LRRC20: variants seen among roughly 807,000 people sequenced by gnomAD.
The protein encoded by LRRC20 is leucine-rich repeat-containing protein 20.
Under a neutral mutation model 14.4 loss-of-function variants are expected in LRRC20, and 11 were observed. That is an observed-to-expected ratio of 0.77 (90% CI 0.48 to 1.27). LRRC20 has a LOEUF of 1.27. Among genes scored for constraint, LRRC20 ranks in the 50% most tolerant of loss-of-function variants. LRRC20 has a pLI of 0.00. For synonymous variants in LRRC20, 121 were observed against 107.3 expected (o/e 1.13, Z -0.79); for missense variants, 219 against 251.2 (o/e 0.87, Z 0.87).
chr10:70,374,348 A>C (rs7085181), intron 2 of LRRC20, among the ~76,000 whole-genome samples: 144,949 of 147,682 alleles, frequency 0.98, 71,203 homozygotes, highest in Non-Finnish European at 1. Flanking sequence ...TCCCCTGTGA[A>C]GCCTTTTTTT....
Position 70,300,129 on chromosome 10 carries a change from G to A in LRRC20, c.*1225C>T, listed in dbSNP as rs1264237453. ...CAGATCAGGTGGGGTCTGGGGCACT[G>A]AGTTGGCTTGCTCCACAGATGAGGA... On this transcript the variant is annotated 3_prime_UTR_variant, in exon 5 of 5. Coordinates refer to ENST00000446961, the MANE Select transcript of LRRC20 (RefSeq NM_001278212.2). The A allele has an allele frequency of 6.5e-6, 1 of 153,592 alleles. No individual in the cohort carries two copies. Among genetic ancestry groups the A allele is most frequent in the African/African-American group, 2.4e-5 (1 of 41,460 alleles). 9.5% of individuals were successfully genotyped at this position (153,592 alleles called of 1,614,324 possible).
intron 4 of LRRC20, among the ~76,000 whole-genome samples, chr10:70,310,076 A>G (rs1841595742): frequency 6.6e-6 from 1 of 152,252 alleles, no homozygotes; most frequent in South Asian, 2.1e-4. Context: ...TTTAACCGCA[A>G]AAGTCATTTG....
chr10:70,329,578 T>C (rs1482151124), intron 3 of LRRC20, among the ~76,000 whole-genome samples: 4 of 151,266 alleles, frequency 2.6e-5, no homozygotes, highest in African/African-American at 4.9e-5. Flanking sequence ...TTTTTTTTTT[T>C]CGAGATGGAG....
At chr10:70,359,556 A>G (rs1843646255) in intron 2 of LRRC20, among the ~76,000 whole-genome samples, 1 of 152,174 alleles carries the variant, frequency 6.6e-6, no homozygotes, top group Non-Finnish European at 1.5e-5. Flanking sequence ...TATACTCTCC[A>G]TGCTAGTTTG....
At chr10:70,306,143 C>T (rs1289082951) in intron 4 of LRRC20, among the ~76,000 whole-genome samples, 1 of 152,076 alleles carries the variant, frequency 6.6e-6, no homozygotes, top group Non-Finnish European at 1.5e-5. Context: ...ACCCCACACA[C>T]ACACACGCTT....
intron 2 of LRRC20, among the ~76,000 whole-genome samples, chr10:70,350,026 C>T (rs1226386099): frequency 1.3e-5 from 2 of 152,230 alleles, no homozygotes; most frequent in African/African-American, 4.8e-5. Context: ...CCCTCTGGGA[C>T]TCCCTCCTTG....
rs370694566 is a variant in LRRC20, at chr10:70,368,135, C to G, written c.82+8317G>C. On this transcript the variant is annotated intron_variant, in intron 2 of 4. Transcript: ENST00000446961. ...AGTAGCTGAGACTACAGGCATGCAT[C>G]ACCATGCCTGGCTAATTTTTGCTTT... Among the ~76,000 whole-genome samples, 32 of 147,124 alleles carry G rather than the reference C, an allele frequency of 2.2e-4. No homozygotes were observed. In the South Asian group the frequency reaches 7.0e-3, roughly 32 times the overall value.
chr10:70,304,172 T>C (rs10762362), intron 4 of LRRC20, among the ~76,000 whole-genome samples: 95,994 of 151,598 alleles, frequency 0.63, 31,546 homozygotes, highest in Non-Finnish European at 0.73. Flanking sequence ...GCTGAGGCTC[T>C]GGCTGCATCC....
intron 2 of LRRC20, among the ~76,000 whole-genome samples, chr10:70,364,009 G>C (rs1408559520): frequency 6.6e-6 from 1 of 152,250 alleles, no homozygotes; most frequent in Non-Finnish European, 1.5e-5. Context: ...AGAGAGCCAA[G>C]GATGGCAGAT....
intron 4 of LRRC20, among the ~76,000 whole-genome samples, chr10:70,318,158 T>C (rs1190506915): frequency 6.6e-6 from 1 of 152,164 alleles, no homozygotes; most frequent in Admixed American, 6.5e-5. Context: ...TGAAGCCACT[T>C]TGAGAATTGA....
At chr10:70,337,085 C>T (rs1445375264) in intron 3 of LRRC20, among the ~76,000 whole-genome samples, 1 of 152,194 alleles carries the variant, frequency 6.6e-6, no homozygotes, top group Admixed American at 6.5e-5. Flanking sequence ...GGGCCTTGGG[C>T]CTTGCAGAAG....
chr10:70,379,025 T>C (rs1161197371), intron 1 of LRRC20, among the ~76,000 whole-genome samples: 1 of 152,200 alleles, frequency 6.6e-6, no homozygotes, highest in Non-Finnish European at 1.5e-5. Context: ...AATAGACCTA[T>C]ACTGTGCTTC....
chr10:70,329,965 A>ATTC (rs2136974967), intron 3 of LRRC20, among the ~76,000 whole-genome samples: 1 of 152,326 alleles, frequency 6.6e-6, no homozygotes, highest in Admixed American at 6.5e-5. Context: ...CATGTCATAT[A>ATTC]TTCTTCTTAT....
intron 4 of LRRC20, among the ~76,000 whole-genome samples, chr10:70,304,470 T>TTATCTATATCTATATCTATA (rs1293891046): frequency 3.5e-5 from 4 of 113,824 alleles, no homozygotes; most frequent in African/African-American, 1.2e-4. Flanking sequence ...GGCCACTTCT[T>TTATCTATATCTATATCTATA]TATATATATA....
At chr10:70,346,909 A>C (rs1843092977) in intron 2 of LRRC20, among the ~76,000 whole-genome samples, 1 of 152,230 alleles carries the variant, frequency 6.6e-6, no homozygotes, top group African/African-American at 2.4e-5. Context: ...TTTCTGAGAC[A>C]GGATCTCGCT....
At chr10:70,349,710 CAGG>C (rs1405121336) in intron 2 of LRRC20, among the ~76,000 whole-genome samples, 1 of 152,220 alleles carries the variant, frequency 6.6e-6, no homozygotes. Flanking sequence ...ACCCTCACAG[CAGG>C]AGAATGAGGC....
intron 3 of LRRC20, among the ~76,000 whole-genome samples, chr10:70,324,393 G>A (rs990042384): frequency 1.1e-4 from 16 of 152,194 alleles, no homozygotes; most frequent in African/African-American, 3.9e-4. Context: ...AGGATGGGCG[G>A]CCTCTCCCCC....
At chr10:70,368,157 CTT>C (rs373588441) in intron 2 of LRRC20, among the ~76,000 whole-genome samples, 1 of 102,796 alleles carries the variant, frequency 9.7e-6, no homozygotes. Context: ...CTAATTTTTG[CTT>C]TTTTTTTTTT....
chr10:70,371,659 T>C (rs1844276764), intron 2 of LRRC20, among the ~76,000 whole-genome samples: 1 of 152,062 alleles, frequency 6.6e-6, no homozygotes, highest in South Asian at 2.1e-4. Context: ...AAAGAGAGCC[T>C]GGCTCAGGGG....
Sources: gnomAD v4.1 joint callset for allele counts (sites outside exome capture counted in the v4.1 genomes callset) on GRCh38, gnomAD v4.1.1 for gene constraint, MANE v1.5 for transcripts, NCBI Gene and HGNC (gene_info 2026-07-23, HGNC 2026-07-21) for gene names.